Variants in ROBO1 observed in about 807,000 individuals in gnomAD.
The protein encoded by ROBO1 is roundabout guidance receptor 1.
Under a neutral mutation model 195.9 loss-of-function variants are expected in ROBO1, and 149 were observed. The ratio of observed to expected loss-of-function variants is 0.76; its 90% confidence interval spans 0.67 to 0.87. ROBO1 has a LOEUF of 0.87. Among genes scored for constraint, ROBO1 ranks in the 40% least tolerant of loss-of-function variants. ROBO1 has a pLI of 0.00. For missense variants in ROBO1, 1,933 were observed against 2,068.3 expected, an observed-to-expected ratio of 0.93 and a Z score of 1.27; for synonymous variants, 816 against 733.2, an observed-to-expected ratio of 1.11 and a Z score of -1.82.
rs1703670045 is a variant in ROBO1 at position 79,742,046 on chromosome 3, AT to A, written c.-51+25705del. Among the ~76,000 whole-genome samples, 7 of 152,334 alleles carry A rather than the reference AT, an allele frequency of 4.6e-5. No individual in the cohort carries two copies. In the South Asian group the frequency reaches 1.4e-3, roughly 32 times the overall value. On this transcript the variant is annotated intron_variant, in intron 1 of 30. Coordinates refer to ENST00000464233, the MANE Select transcript of ROBO1 (RefSeq NM_002941.4). ...GGTCATATGTGTGAATAAAGAGATG[AT>A]CTGAAACTGGAACTTATATTTAAAA...
intron 4 of ROBO1, among the ~76,000 whole-genome samples, chr3:78,772,728 A>T (rs998963567): frequency 6.6e-6 from 1 of 152,100 alleles, no homozygotes; most frequent in Non-Finnish European, 1.5e-5. Context: ...GCCTCTACTC[A>T]GATAGGTAAA....
chr3:78,722,564 A>T (rs912401371), intron 5 of ROBO1, among the ~76,000 whole-genome samples: 1 of 152,166 alleles, frequency 6.6e-6, no homozygotes, highest in African/African-American at 2.4e-5. Flanking sequence ...TAGCAGAGAT[A>T]TTAATCATCA....
At chr3:79,689,686 C>A (rs1418340785) in intron 1 of ROBO1, among the ~76,000 whole-genome samples, 1 of 151,930 alleles carries the variant, frequency 6.6e-6, no homozygotes, top group African/African-American at 2.4e-5. Flanking sequence ...CTTTTTCCAT[C>A]TATAATTCTA....
intron 1 of ROBO1, among the ~76,000 whole-genome samples, chr3:79,699,262 A>C (rs1480957989): frequency 1.3e-5 from 2 of 151,484 alleles, no homozygotes; most frequent in Admixed American, 1.3e-4. Context: ...AAAATAATAT[A>C]TGGTATGGAA....
At chr3:78,850,398 A>G (rs545648423) in intron 4 of ROBO1, among the ~76,000 whole-genome samples, 5 of 152,308 alleles carry the variant, frequency 3.3e-5, no homozygotes, top group Admixed American at 3.3e-4. Context: ...TAACTTTAAA[A>G]CCAGATAACA....
At chr3:78,757,856 T>C (rs569752313) in intron 4 of ROBO1, among the ~76,000 whole-genome samples, 1 of 152,316 alleles carries the variant, frequency 6.6e-6, no homozygotes, top group South Asian at 2.1e-4. Flanking sequence ...CCTAAATCAC[T>C]TTTATTATTG....
At chr3:79,372,532 T>G (rs12633213) in intron 2 of ROBO1, among the ~76,000 whole-genome samples, 265 of 151,810 alleles carry the variant, frequency 1.7e-3, no homozygotes, top group Middle Eastern at 3.4e-3. Flanking sequence ...TAAGGAGAGA[T>G]GTGGGAGTGC....
At chr3:78,859,560 T>C (rs547041288) in intron 4 of ROBO1, among the ~76,000 whole-genome samples, 94 of 152,172 alleles carry the variant, frequency 6.2e-4, no homozygotes, top group Non-Finnish European at 1.1e-3. Context: ...GAGGAAGAGA[T>C]TTTTGTAGCT....
chr3:79,307,094 G>C (rs1356949601), intron 2 of ROBO1, among the ~76,000 whole-genome samples: 2 of 152,050 alleles, frequency 1.3e-5, no homozygotes, highest in African/African-American at 4.8e-5. Context: ...GGGAAGCTCA[G>C]AATTCAAGGA....
chr3:79,037,190 G>T (rs959822314), intron 3 of ROBO1, among the ~76,000 whole-genome samples: 2 of 152,112 alleles, frequency 1.3e-5, no homozygotes, highest in South Asian at 2.1e-4. Context: ...AAAATTTATT[G>T]ATGCTTTCAG....
At chr3:79,196,151 A>T (rs2081629226) in intron 2 of ROBO1, among the ~76,000 whole-genome samples, 1 of 151,650 alleles carries the variant, frequency 6.6e-6, no homozygotes, top group African/African-American at 2.4e-5. Context: ...GACTGCAATA[A>T]CGTAAGTGAT....
At chr3:79,249,840 T>C (rs2082688184) in intron 2 of ROBO1, among the ~76,000 whole-genome samples, 1 of 152,068 alleles carries the variant, frequency 6.6e-6, no homozygotes, top group African/African-American at 2.4e-5. Context: ...ATACAGACTT[T>C]GGATAGAAAA....
intron 2 of ROBO1, among the ~76,000 whole-genome samples, chr3:79,279,582 T>G (rs1288161225): frequency 1.3e-5 from 2 of 152,188 alleles, no homozygotes; most frequent in African/African-American, 4.8e-5. Context: ...AAGTACCATG[T>G]GATCCAGCAA....
chr3:79,757,029 C>T (rs1370657349), intron 1 of ROBO1, among the ~76,000 whole-genome samples: 5 of 152,036 alleles, frequency 3.3e-5, no homozygotes, highest in African/African-American at 9.7e-5. Context: ...TTTCATTGTA[C>T]ATAATAGATC....
intron 8 of ROBO1, 111 bp from the exon 9 acceptor site, chr3:78,688,883 T>A (rs1365527817): frequency 9.3e-7 from 1 of 1,080,636 alleles, no homozygotes; most frequent in Non-Finnish European, 1.3e-6. Flanking sequence ...ACATGTTATG[T>A]AAAACAGTCA....
chr3:79,118,225 A>C (rs556312425), intron 3 of ROBO1, among the ~76,000 whole-genome samples: 1 of 151,312 alleles, frequency 6.6e-6, no homozygotes, highest in South Asian at 2.1e-4. Context: ...GTACAAAAGT[A>C]ATTGTGTGGG....
chr3:78,792,527 A>G (rs556578668), intron 4 of ROBO1, among the ~76,000 whole-genome samples: 6 of 152,244 alleles, frequency 3.9e-5, no homozygotes, highest in African/African-American at 1.4e-4. Context: ...AAAGCTATCA[A>G]GGGGTACAGG....
chr3:78,947,075 G>A (rs1489104947), intron 3 of ROBO1, among the ~76,000 whole-genome samples: 1 of 151,990 alleles, frequency 6.6e-6, no homozygotes, highest in Non-Finnish European at 1.5e-5. Flanking sequence ...ATAATAATGG[G>A]AGATTTTAAC....
intron 22 of ROBO1, among the ~76,000 whole-genome samples, chr3:78,639,323 C>A (rs113634331): frequency 5.4e-4 from 81 of 149,074 alleles, no homozygotes; most frequent in African/African-American, 1.8e-3. Context: ...ATTAGCTGAG[C>A]CTGATGGTGC....
Sources: allele counts gnomAD v4.1 joint callset (sites outside exome capture counted in the v4.1 genomes callset), GRCh38; gene constraint gnomAD v4.1.1; transcripts MANE v1.5; gene names NCBI Gene and HGNC (gene_info 2026-07-23, HGNC 2026-07-21).